FSTL5: variants seen among roughly 807,000 people sequenced by gnomAD.
The protein encoded by FSTL5 is follistatin-related protein 5.
A neutral mutation model predicts 89.1 loss-of-function variants in FSTL5; 62 were observed. The observed-to-expected ratio is 0.70, with a 90% confidence interval of 0.57 to 0.86. The LOEUF is 0.86. FSTL5 is among the 40% of genes least tolerant of loss of function. The pLI is 0.00. For synonymous variants in FSTL5, 383 were observed against 346.2 expected, an observed-to-expected ratio of 1.11 and a Z score of -1.18; for missense variants, 1,057 against 1,001.6, an observed-to-expected ratio of 1.06 and a Z score of -0.75.
chr4:161,609,272 A>T (rs1408460592), intron 7 of FSTL5, among the ~76,000 whole-genome samples: 4 of 152,132 alleles, frequency 2.6e-5, no homozygotes, highest in Admixed American at 1.3e-4. Flanking sequence ...TTCTTTAAAA[A>T]CATTTAAAAA....
At chr4:161,490,528 T>G (rs1222886242) in intron 12 of FSTL5, among the ~76,000 whole-genome samples, 1 of 152,166 alleles carries the variant, frequency 6.6e-6, no homozygotes, top group Non-Finnish European at 1.5e-5. Flanking sequence ...AGTATATCAC[T>G]TAGGAATAAA....
At chr4:162,142,095 C>A (rs1004005836) in intron 1 of FSTL5, among the ~76,000 whole-genome samples, 5 of 151,870 alleles carry the variant, frequency 3.3e-5, no homozygotes, top group East Asian at 1.9e-4. Flanking sequence ...TGTAGGGCAA[C>A]CCCCACAATA....
intron 4 of FSTL5, among the ~76,000 whole-genome samples, chr4:161,861,418 A>AAGAAAGAAAGAGAGAGAGAG: frequency 6.6e-6 from 1 of 152,032 alleles, no homozygotes; most frequent in Non-Finnish European, 1.5e-5. Context: ...TCCGTCTTCA[A>AAGAAAGAAAGAGAGAGAGAG]AGAAAGAAAG....
intron 4 of FSTL5, among the ~76,000 whole-genome samples, chr4:161,867,555 G>GA (rs1244966859): frequency 1.3e-5 from 2 of 151,586 alleles, no homozygotes; most frequent in Non-Finnish European, 3.0e-5. Flanking sequence ...CATGGGCAAT[G>GA]AAAAATAAGT....
chr4:161,817,396 A>G lies in FSTL5; in HGVS notation c.410-41322T>C, dbSNP rs567301878. On this transcript the variant is annotated intron_variant, in intron 4 of 15. Coordinates refer to ENST00000306100, the MANE Select transcript of FSTL5 (RefSeq NM_020116.5). ...ATCCAAAAGCTAATTAGAAAAGTCA[A>G]TCTCAAGGAACAGCTCAAGGGTGTT... Among the ~76,000 whole-genome samples the G allele has an allele frequency of 5.8e-4, 88 of 152,364 alleles. 1 individual carries two copies. The highest frequency in any genetic ancestry group is 1.2e-3 in the South Asian group (6 of 4,828).
At chr4:162,081,782 T>C (rs1361271163) in intron 2 of FSTL5, among the ~76,000 whole-genome samples, 1 of 121,016 alleles carries the variant, frequency 8.3e-6, no homozygotes, top group Non-Finnish European at 1.7e-5. Flanking sequence ...GAAAGAAAAT[T>C]AGAAAACTGC....
At chr4:161,698,983 G>A (rs1272392324) in intron 6 of FSTL5, among the ~76,000 whole-genome samples, 2 of 150,000 alleles carry the variant, frequency 1.3e-5, no homozygotes, top group African/African-American at 4.9e-5. Flanking sequence ...CAAAATAGGA[G>A]AAATAATTTG....
chr4:161,783,720 TTTC>T (rs1741772060), intron 4 of FSTL5, among the ~76,000 whole-genome samples: 1 of 30,664 alleles, frequency 3.3e-5, no homozygotes, highest in African/African-American at 1.1e-4. Flanking sequence ...TCTTTCTTTC[TTTC>T]TTCTTTTCTT....
intron 2 of FSTL5, among the ~76,000 whole-genome samples, chr4:162,037,448 G>T (rs1371281201): frequency 6.6e-6 from 1 of 151,908 alleles, no homozygotes; most frequent in African/African-American, 2.4e-5. Context: ...GAGAGTAGGT[G>T]AGAAGAATCA....
rs557480975 is a variant in FSTL5, at chr4:161,414,206, T to C, written c.1842-27757A>G. 2.0e-5 allele frequency among the ~76,000 whole-genome samples: 3 copies of C among 152,292 alleles called. No homozygotes were observed. The South Asian group carries it at 6.2e-4, about 32-fold the overall frequency. Reference sequence around the variant, plus strand: ...AAAAGTAATTCATAGTGAAAACAAGTAGAAATCAATGTTTAATTCTAACTC... The same window carrying C: ...AAAAGTAATTCATAGTGAAAACAAGCAGAAATCAATGTTTAATTCTAACTC... On this transcript the variant is annotated intron_variant, in intron 15 of 15. Coordinates refer to ENST00000306100, the MANE Select transcript of FSTL5 (RefSeq NM_020116.5).
In FSTL5 at chr4:161,631,571, C is replaced by A. The variant is rs200296651; in HGVS notation, c.894+24757G>T. Among the ~76,000 whole-genome samples, 24 of 152,248 alleles carry A rather than the reference C, an allele frequency of 1.6e-4. No individual in the cohort carries two copies. In the East Asian group the frequency reaches 3.9e-3, roughly 25 times the overall value. On this transcript the variant is annotated intron_variant, in intron 7 of 15. Transcript: ENST00000306100. ...GGCAGAGGTTGCAGTGAGCCTAGAT[C>A]GTACCATTTCACTCCAGACTGGACG... is the stretch of plus-strand genomic sequence containing the variant.
At chr4:162,004,452 T>A (rs1736554856) in intron 3 of FSTL5, among the ~76,000 whole-genome samples, 1 of 152,148 alleles carries the variant, frequency 6.6e-6, no homozygotes, top group Admixed American at 6.5e-5. Flanking sequence ...CAACCTCCAC[T>A]TCACTCAAAA....
At position 161,780,024 on chromosome 4, in the gene FSTL5, G is replaced by A. The variant is rs535208577; in HGVS notation, c.410-3950C>T. Among the ~76,000 whole-genome samples, 21 of 148,586 alleles carry A rather than the reference G, an allele frequency of 1.4e-4. No homozygotes were observed. In the East Asian group the frequency reaches 4.1e-3, roughly 29 times the overall value. Reference sequence around the variant, plus strand: ...GTGTGATGAAATGTAAAACATTTGAGAGTAAAATTAAGGTAAACAAAATAT... The same window carrying A: ...GTGTGATGAAATGTAAAACATTTGAAAGTAAAATTAAGGTAAACAAAATAT... On this transcript the variant is annotated intron_variant, in intron 4 of 15. Transcript: ENST00000306100.
intron 5 of FSTL5, among the ~76,000 whole-genome samples, chr4:161,763,398 G>A (rs1185442522): frequency 6.6e-6 from 1 of 152,156 alleles, no homozygotes; most frequent in Admixed American, 6.5e-5. Context: ...AGTATAGAGA[G>A]GTATGGGTGT....
At chr4:161,507,112 T>C (rs920361799) in intron 11 of FSTL5, among the ~76,000 whole-genome samples, 1 of 152,072 alleles carries the variant, frequency 6.6e-6, no homozygotes, top group Admixed American at 6.5e-5. Context: ...TCCCATTTTA[T>C]ATACTGAATC....
At chr4:161,559,941 G>A (rs1301597010) in intron 8 of FSTL5, among the ~76,000 whole-genome samples, 2 of 151,908 alleles carry the variant, frequency 1.3e-5, no homozygotes, top group Non-Finnish European at 2.9e-5. Flanking sequence ...TGCAGGCCAA[G>A]CTTGTCCAAC....
chr4:162,065,264 A>T (rs1738856231), intron 2 of FSTL5, among the ~76,000 whole-genome samples: 1 of 151,924 alleles, frequency 6.6e-6, no homozygotes. Flanking sequence ...TTCAAATTCA[A>T]CCTATATAAT....
Position 161,494,486 on chromosome 4 carries a change from A to AGTT in FSTL5, c.1458+5529_1458+5530insAAC, listed in dbSNP as rs568205763. Among the ~76,000 whole-genome samples, 3 of 152,326 alleles carry AGTT rather than the reference A, an allele frequency of 2.0e-5. No homozygotes were observed. The South Asian group carries it at 6.2e-4, about 32-fold the overall frequency. ...TGCTTTGTTTGAGATAAAGGACAAC[A>AGTT]ACAGCAGAGAAAGAAATGTGGACCA... On this transcript the variant is annotated intron_variant, in intron 12 of 15. Coordinates refer to ENST00000306100, the MANE Select transcript of FSTL5 (RefSeq NM_020116.5).
chr4:161,602,059 A>C (rs1351591016), intron 7 of FSTL5, among the ~76,000 whole-genome samples: 2 of 152,118 alleles, frequency 1.3e-5, no homozygotes, highest in African/African-American at 4.8e-5. Flanking sequence ...ATATGTTAAT[A>C]TTTCTAGTGG....
Sources: gnomAD v4.1 joint callset for allele counts (sites outside exome capture counted in the v4.1 genomes callset) on GRCh38, gnomAD v4.1.1 for gene constraint, MANE v1.5 for transcripts, NCBI Gene and HGNC (gene_info 2026-07-23, HGNC 2026-07-21) for gene names.